TBCE: variants seen among roughly 807,000 people sequenced by gnomAD.
The protein encoded by TBCE is tubulin folding cofactor E.
A neutral mutation model predicts 77.0 loss-of-function variants in TBCE; 53 were observed. That is an observed-to-expected ratio of 0.69 (90% CI 0.55 to 0.87). The LOEUF (loss-of-function observed/expected upper bound fraction) is 0.87. Among genes scored for constraint, TBCE ranks in the 40% least tolerant of loss-of-function variants. TBCE has a pLI of 0.00. For missense variants in TBCE, 624 were observed against 622.4 expected (o/e 1.00, Z -0.03); for synonymous variants, 235 against 241.3 (o/e 0.97, Z 0.24).
chr1:235,432,331 A>G (rs554886934), intron 7 of TBCE, among the ~76,000 whole-genome samples: 1 of 152,318 alleles, frequency 6.6e-6, no homozygotes, highest in African/African-American at 2.4e-5. Context: ...ATTCCCAGCC[A>G]TGTTCACCCA....
intron 2 of TBCE, among the ~76,000 whole-genome samples, chr1:235,380,838 T>G (rs532274765): frequency 1.0e-3 from 152 of 152,224 alleles, no homozygotes; most frequent in African/African-American, 3.2e-3. Flanking sequence ...CAGGCTGGAG[T>G]GTAGTGGTGC....
intron 15 of TBCE, 86 bp from the exon 16 acceptor site, chr1:235,448,263 A>G (rs899045502): frequency 4.3e-5 from 43 of 1,010,056 alleles, no homozygotes; most frequent in Non-Finnish European, 6.5e-5. Context: ...TATCATTGCA[A>G]TGATACTGTG....
chr1:235,427,860 G>A lies in TBCE; in HGVS notation c.560+621G>A, dbSNP rs556284513. On this transcript the variant is annotated intron_variant, in intron 6 of 16. Coordinates refer to ENST00000642610, the MANE Select transcript of TBCE (RefSeq NM_003193.5). Reference sequence around the variant, plus strand: ...AGCCTGACCAACATGGAGAAACCCCGTCTCTACTAAAAATACAAAATTAGC... The same window carrying A: ...AGCCTGACCAACATGGAGAAACCCCATCTCTACTAAAAATACAAAATTAGC... 3.3e-5 allele frequency among the ~76,000 whole-genome samples: 5 copies of A among 152,020 alleles called. No individual in the cohort carries two copies. In the East Asian group the frequency reaches 9.7e-4, roughly 29 times the overall value.
At chr1:235,429,546 T>C (rs1680966307) in intron 6 of TBCE, 2 of 152,188 alleles carry the variant, frequency 1.3e-5, no homozygotes, top group African/African-American at 4.8e-5. Flanking sequence ...ACTTCTAGCG[T>C]TTAATTGCTG....
chr1:235,388,093 T>G (rs1393685710), intron 2 of TBCE, among the ~76,000 whole-genome samples: 1 of 152,132 alleles, frequency 6.6e-6, no homozygotes, highest in East Asian at 1.9e-4. Context: ...AATGAATAAT[T>G]ACTGTGTACC....
chr1:235,398,924 C>T (rs964373413), intron 2 of TBCE, among the ~76,000 whole-genome samples: 2 of 151,538 alleles, frequency 1.3e-5, no homozygotes, highest in Admixed American at 6.6e-5. Flanking sequence ...GGATCATGGG[C>T]GTGAGCTCCC....
intron 2 of TBCE, among the ~76,000 whole-genome samples, chr1:235,386,761 G>A (rs1468915114): frequency 2.0e-5 from 3 of 152,040 alleles, no homozygotes; most frequent in Non-Finnish European, 4.4e-5. Flanking sequence ...CCTGTAGCTC[G>A]GAGTAGTTTG....
intron 1 of TBCE, among the ~76,000 whole-genome samples, chr1:235,375,629 C>T (rs1468875382): frequency 6.6e-6 from 1 of 152,130 alleles, no homozygotes; most frequent in East Asian, 1.9e-4. Flanking sequence ...AGGGTAAAGG[C>T]TTTGGAACTA....
intron 4 of TBCE, 109 bp from the exon 5 acceptor site, chr1:235,419,364 A>G (rs978691243): frequency 1.2e-4 from 175 of 1,485,674 alleles, no homozygotes; most frequent in Non-Finnish European, 1.5e-4. Flanking sequence ...TGGTATTTGT[A>G]TATTATTTTT....
intron 3 of TBCE, among the ~76,000 whole-genome samples, chr1:235,411,097 A>G (rs1478617996): frequency 6.6e-6 from 1 of 152,256 alleles, no homozygotes; most frequent in Admixed American, 6.5e-5. Flanking sequence ...CAAGCTAATA[A>G]GGAGTCACTA....
intron 2 of TBCE, among the ~76,000 whole-genome samples, chr1:235,398,876 C>T (rs1482529449): frequency 6.6e-6 from 1 of 151,944 alleles, no homozygotes; most frequent in East Asian, 1.9e-4. Flanking sequence ...AATTCCAGAG[C>T]TCAAGCAATC....
chr1:235,408,482 C>T (rs1051262233), intron 3 of TBCE, among the ~76,000 whole-genome samples: 8 of 148,080 alleles, frequency 5.4e-5, no homozygotes, highest in Non-Finnish European at 7.4e-5. Context: ...GTGGGCAAGG[C>T]GCATCTCTGT....
chr1:235,370,498 G>A (rs1412824893), intron 1 of TBCE, among the ~76,000 whole-genome samples: 1 of 150,728 alleles, frequency 6.6e-6, no homozygotes, highest in African/African-American at 2.4e-5. Context: ...TGATTCACCC[G>A]CCTCAGCCTC....
chr1:235,389,088 A>C (rs950013167), intron 2 of TBCE, among the ~76,000 whole-genome samples: 1 of 152,232 alleles, frequency 6.6e-6, no homozygotes, highest in East Asian at 1.9e-4. Flanking sequence ...CCTCCCAGCT[A>C]TTGGGAGATA....
At chr1:235,446,325 C>T (rs546161595) in intron 15 of TBCE, among the ~76,000 whole-genome samples, 79 of 152,140 alleles carry the variant, frequency 5.2e-4, no homozygotes, top group Middle Eastern at 6.8e-3. Context: ...AACAGGTGCC[C>T]GCCACCATGC....
intron 4 of TBCE, 92 bp from the exon 5 acceptor site, chr1:235,419,381 C>A: frequency 6.3e-7 from 1 of 1,580,144 alleles, no homozygotes; most frequent in South Asian, 1.1e-5. Context: ...TTTTGGTACC[C>A]TTTTATATGT....
At chr1:235,427,402 TG>T (rs2102906626) in intron 6 of TBCE, among the ~76,000 whole-genome samples, 163 bp downstream of exon 6, 1 of 152,348 alleles carries the variant, frequency 6.6e-6, no homozygotes, top group East Asian at 1.9e-4. Flanking sequence ...AGTGAGGGTA[TG>T]GAAGTCCTCA....
intron 2 of TBCE, among the ~76,000 whole-genome samples, chr1:235,397,198 C>T (rs1678785407): frequency 8.4e-6 from 1 of 118,636 alleles, no homozygotes; most frequent in Non-Finnish European, 1.6e-5. Flanking sequence ...TGGTCTCAAT[C>T]TCTTTTTTTT....
chr1:235,401,680 C>CATGGAGTA, intron 3 of TBCE, 93 bp downstream of exon 3: 1 of 1,085,370 alleles, frequency 9.2e-7, no homozygotes, highest in South Asian at 1.3e-5. Context: ...ATGTTTGGCT[C>CATGGAGTA]ATGGAGTAGT....
Sources: gnomAD v4.1 joint callset for allele counts (sites outside exome capture counted in the v4.1 genomes callset) on GRCh38, gnomAD v4.1.1 for gene constraint, MANE v1.5 for transcripts, NCBI Gene and HGNC (gene_info 2026-07-23, HGNC 2026-07-21) for gene names.